The following SHANK2 variants were observed in gnomAD, a reference collection of about 807,000 sequenced individuals.
The protein encoded by SHANK2 is SH3 and multiple ankyrin repeat domains protein 2.
SHANK2 carries 43 observed loss-of-function variants against 133.7 expected under a neutral mutation model. The ratio of observed to expected loss-of-function variants is 0.32; its 90% CI spans 0.25 to 0.41. SHANK2 has a LOEUF of 0.41. Among genes scored for constraint, SHANK2 ranks in the 10% least tolerant of loss-of-function variants. The pLI, the probability that SHANK2 is intolerant of heterozygous loss-of-function variation, is 1.00. For synonymous variants in SHANK2, 1,017 were observed against 952.8 expected, an observed-to-expected ratio of 1.07 and a Z score of -1.24; for missense variants, 1,994 against 2,235.8, an observed-to-expected ratio of 0.89 and a Z score of 2.18.
intron 1 of SHANK2, among the ~76,000 whole-genome samples, chr11:71,233,092 G>C (rs1307142758): frequency 6.6e-6 from 1 of 151,822 alleles, no homozygotes; most frequent in African/African-American, 2.4e-5. Flanking sequence ...TGGGAGGGTG[G>C]CTTGAGCCCA....
chr11:70,746,546 C>G (rs1555036146), intron 14 of SHANK2, among the ~76,000 whole-genome samples: 1 of 150,750 alleles, frequency 6.6e-6, no homozygotes, highest in East Asian at 2.0e-4. Context: ...TCCCACCACT[C>G]TCCCGCTTCT....
At chr11:70,840,418 G>C (rs2921342) in intron 11 of SHANK2, among the ~76,000 whole-genome samples, 1 of 151,994 alleles carries the variant, frequency 6.6e-6, no homozygotes, top group African/African-American at 2.4e-5. Context: ...TCAAAAGGAG[G>C]CTAGAATGCA....
intron 17 of SHANK2, among the ~76,000 whole-genome samples, chr11:70,654,764 T>TC (rs59647894): frequency 0.01 from 1,498 of 149,150 alleles, 29 homozygotes; most frequent in African/African-American, 0.035. Flanking sequence ...TTTGTTTTTG[T>TC]TTTTTTTGTT....
chr11:70,846,043 G>A (rs1311373045), intron 11 of SHANK2, among the ~76,000 whole-genome samples: 1 of 152,178 alleles, frequency 6.6e-6, no homozygotes. Flanking sequence ...AGCCCAGAGA[G>A]ACCTGAACTG....
intron 17 of SHANK2, among the ~76,000 whole-genome samples, chr11:70,602,500 G>A (rs887706591): frequency 6.6e-6 from 1 of 152,122 alleles, no homozygotes; most frequent in African/African-American, 2.4e-5. Context: ...GGGGTCACAC[G>A]TCCCTCAGCA....
chr11:70,489,577 G>C, intron 23 of SHANK2: 2 of 585,350 alleles, frequency 3.4e-6, no homozygotes, highest in Non-Finnish European at 6.1e-6. Context: ...TGCCCCTGGG[G>C]TGGGCTGGGC....
intron 17 of SHANK2, among the ~76,000 whole-genome samples, chr11:70,528,912 A>G (rs2059433543): frequency 6.6e-6 from 1 of 152,112 alleles, no homozygotes; most frequent in Admixed American, 6.5e-5. Flanking sequence ...CTGTTTGAAG[A>G]AATAAAAGGT....
intron 14 of SHANK2, among the ~76,000 whole-genome samples, chr11:70,779,259 A>G (rs1197900121): frequency 1.3e-5 from 2 of 151,438 alleles, no homozygotes; most frequent in Non-Finnish European, 2.9e-5. Context: ...AAAGTGGCAT[A>G]CGAGACAGAA....
intron 8 of SHANK2, among the ~76,000 whole-genome samples, chr11:71,090,350 CTGTGTGTG>C (rs1216035619): frequency 3.9e-4 from 3 of 7,730 alleles, no homozygotes; most frequent in Non-Finnish European, 4.5e-4. Context: ...AACACAACCT[CTGTGTGTG>C]TGTGTGTGTG....
At position 70,809,240 on chromosome 11, in the gene SHANK2, C is replaced by T. The variant is rs150843222; in HGVS notation, c.1494-2069G>A. On this transcript the variant is annotated intron_variant, in intron 12 of 25. Coordinates refer to ENST00000601538, the MANE Select transcript of SHANK2 (RefSeq NM_012309.5). ...AACAGGGCGCCTGGCTGCAGGGAAG[C>T]GAGTGGTCTCTGACCATGGTTCCCC... 2.9e-4 allele frequency among the ~76,000 whole-genome samples: 44 copies of T among 152,322 alleles called. No homozygotes were observed. In the East Asian group the frequency reaches 6.9e-3, roughly 24 times the overall value.
At position 70,661,539 on chromosome 11, in the gene SHANK2, ACACACACACAC is replaced by A. The variant is rs2061489861; in HGVS notation, c.1936+46_1936+56del. ...CACACACACACACACACACACACAC[ACACACACACAC>A]ACACAAACATGGGAACATATTCAGG... On this transcript the variant is annotated intron_variant, in intron 16 of 25. Transcript: ENST00000601538. The A allele has an allele frequency of 1.0e-5, 8 of 796,448 alleles. No individual in the cohort carries two copies. The African/African-American group carries it at 1.3e-4, about 12-fold the overall frequency. 49.3% of individuals were successfully genotyped at this position (796,448 alleles called of 1,614,324 possible).
At chr11:70,840,149 C>T (rs782260634) in intron 11 of SHANK2, among the ~76,000 whole-genome samples, 2 of 152,194 alleles carry the variant, frequency 1.3e-5, no homozygotes, top group African/African-American at 2.4e-5. Context: ...GGCATTGTCA[C>T]GGTCACAGCT....
At chr11:71,211,316 A>C (rs1384980283) in intron 2 of SHANK2, among the ~76,000 whole-genome samples, 1 of 150,486 alleles carries the variant, frequency 6.6e-6, no homozygotes, top group Non-Finnish European at 1.5e-5. Flanking sequence ...AGGAGGTCAG[A>C]TCGCTTGAGC....
intron 15 of SHANK2, among the ~76,000 whole-genome samples, chr11:70,678,532 C>CTTTTTTTTTTTTTT (rs34446408): frequency 2.6e-5 from 2 of 77,040 alleles, no homozygotes; most frequent in African/African-American, 4.9e-5. Context: ...TAAGAACAGG[C>CTTTTTTTTTTTTTT]TTTTTTTTTT....
chr11:70,841,773 T>C (rs1948910492), intron 11 of SHANK2, among the ~76,000 whole-genome samples: 1 of 152,206 alleles, frequency 6.6e-6, no homozygotes, highest in Admixed American at 6.5e-5. Context: ...TTCTTGCTTC[T>C]CTTCAGGACC....
At chr11:70,496,344 G>T (rs1426563059) in intron 21 of SHANK2, among the ~76,000 whole-genome samples, 2 of 152,210 alleles carry the variant, frequency 1.3e-5, no homozygotes, top group African/African-American at 2.4e-5. Context: ...TGATGAGGCT[G>T]ATTCATTTCC....
intron 14 of SHANK2, among the ~76,000 whole-genome samples, chr11:70,713,681 C>A (rs567783845): frequency 1.3e-5 from 2 of 152,080 alleles, no homozygotes; most frequent in Non-Finnish European, 2.9e-5. Context: ...GCCGGGTGTC[C>A]GTCACAGCAC....
At chr11:70,890,945 C>T (rs538466698) in intron 11 of SHANK2, among the ~76,000 whole-genome samples, 122 of 150,256 alleles carry the variant, frequency 8.1e-4, no homozygotes, top group African/African-American at 2.8e-3. Flanking sequence ...GCCTGGGTGA[C>T]AGAGTGATAG....
intron 14 of SHANK2, among the ~76,000 whole-genome samples, chr11:70,758,492 G>A (rs1214045526): frequency 6.6e-6 from 1 of 152,234 alleles, no homozygotes; most frequent in Non-Finnish European, 1.5e-5. Context: ...TCCTGCGCCA[G>A]CTAAGTGCCT....
Sources: gnomAD v4.1 joint callset for allele counts (sites outside exome capture counted in the v4.1 genomes callset) on GRCh38, gnomAD v4.1.1 for gene constraint, MANE v1.5 for transcripts, NCBI Gene and HGNC (gene_info 2026-07-23, HGNC 2026-07-21) for gene names.